The following SNX1 variants were observed in gnomAD, a reference collection of about 807,000 sequenced individuals.
SNX1 encodes sorting nexin-1.
SNX1 carries 36 observed loss-of-function variants against 71.8 expected under a neutral mutation model. The ratio of observed to expected loss-of-function variants is 0.50; its 90% CI spans 0.38 to 0.66. SNX1 has a LOEUF of 0.66. Ranked by LOEUF, SNX1 falls within the 30% of genes least tolerant of loss-of-function variation. SNX1 has a pLI of 0.00. For missense variants in SNX1, 612 were observed against 646.7 expected, an observed-to-expected ratio of 0.95 and a Z score of 0.58; for synonymous variants, 254 against 240.7, an observed-to-expected ratio of 1.06 and a Z score of -0.51.
chr15:64,109,931 G>C (rs2081062276), intron 1 of SNX1, among the ~76,000 whole-genome samples: 1 of 152,224 alleles, frequency 6.6e-6, no homozygotes, highest in South Asian at 2.1e-4. Context: ...CTGGAAGGGA[G>C]CTTAGCAGAG....
At chr15:64,121,002 G>A (rs1216971607) in intron 4 of SNX1, among the ~76,000 whole-genome samples, 1 of 152,184 alleles carries the variant, frequency 6.6e-6, no homozygotes, top group Non-Finnish European at 1.5e-5. Context: ...AGGGCACAGT[G>A]TGGCCCATGA....
intron 2 of SNX1, among the ~76,000 whole-genome samples, chr15:64,113,345 G>A (rs1189036774): frequency 6.6e-6 from 1 of 152,132 alleles, no homozygotes; most frequent in East Asian, 1.9e-4. Flanking sequence ...TTGCCCCCCA[G>A]AAGACATTTG....
chr15:64,135,418 C>T (rs1035588559), intron 12 of SNX1, among the ~76,000 whole-genome samples: 1 of 149,256 alleles, frequency 6.7e-6, no homozygotes, highest in African/African-American at 2.5e-5. Flanking sequence ...GAGTTTTAGA[C>T]CAGCCTGGCC....
At chr15:64,118,663 G>A in intron 3 of SNX1, 125 bp from the exon 4 acceptor site, 1 of 688,206 alleles carries the variant, frequency 1.5e-6, no homozygotes, top group Non-Finnish European at 2.4e-6. Context: ...TGTTGGGAAT[G>A]GACAAAAGCT....
Position 64,122,650 on chromosome 15 carries a change from G to A in SNX1, c.467-853G>A, listed in dbSNP as rs573087121. Reference sequence around the variant, plus strand: ...TGGTAACTGTTGACCTAGGTTTTCCGGTTTGATGTGGGAAGGAATCAAGGG... The same window carrying A: ...TGGTAACTGTTGACCTAGGTTTTCCAGTTTGATGTGGGAAGGAATCAAGGG... On this transcript the variant is annotated intron_variant, in intron 4 of 14. Coordinates refer to ENST00000559844, the MANE Select transcript of SNX1 (RefSeq NM_003099.5). 9.2e-5 allele frequency among the ~76,000 whole-genome samples: 14 copies of A among 152,070 alleles called. 1 individual carries two copies. The highest frequency in any genetic ancestry group is 3.9e-4 in the East Asian group (2 of 5,188).
At chr15:64,131,106 A>T (rs975485713) in intron 10 of SNX1, among the ~76,000 whole-genome samples, 3 of 152,212 alleles carry the variant, frequency 2.0e-5, no homozygotes, top group Non-Finnish European at 2.9e-5. Flanking sequence ...AAGATGGTGA[A>T]ACCCTGTCTC....
At chr15:64,123,024 A>G (rs1423050458) in intron 4 of SNX1, among the ~76,000 whole-genome samples, 1 of 152,062 alleles carries the variant, frequency 6.6e-6, no homozygotes, top group Non-Finnish European at 1.5e-5. Flanking sequence ...TTGTGACGAT[A>G]TTTCTGAAAG....
chr15:64,122,953 G>A (rs2081210606), intron 4 of SNX1, among the ~76,000 whole-genome samples: 1 of 152,096 alleles, frequency 6.6e-6, no homozygotes, highest in Non-Finnish European at 1.5e-5. Flanking sequence ...CAGACCCTTT[G>A]CTCTTGGTGA....
In SNX1 at chr15:64,096,123, G is replaced by C. The variant is rs773160874; in HGVS notation, c.110G>C (p.Gly37Ala). 2.6e-6 allele frequency: 4 copies of C among 1,558,494 alleles called. No homozygotes were observed. The highest frequency in any genetic ancestry group is 1.2e-5 in the South Asian group (1 of 84,750). ...GAAGGSEPEA[G>A]DSDTEGEDIF... ...GCCGGGGGATCAGAACCCGAGGCTG[G>C]GGACAGCGACACCGAGGGGGAGGAC... Residue 37 changes from glycine (G) to alanine (A), a missense_variant, in exon 1 of 15, where the codon GGG becomes GCG. Gly to Ala is a moderately conservative substitution (Grantham distance 60). This residue lies in a region of SNX1 where 316 missense variants were observed against 284.9 expected (regional missense o/e 1.11). Coordinates refer to ENST00000559844, the MANE Select transcript of SNX1 (RefSeq NM_003099.5).
At chr15:64,112,323 A>G (rs2081085220) in intron 1 of SNX1, among the ~76,000 whole-genome samples, 1 of 152,194 alleles carries the variant, frequency 6.6e-6, no homozygotes, top group Non-Finnish European at 1.5e-5. Flanking sequence ...ACACATACCC[A>G]TGTTGGTATC....
At chr15:64,121,045 CTA>C (rs1221662448) in intron 4 of SNX1, among the ~76,000 whole-genome samples, 1 of 152,110 alleles carries the variant, frequency 6.6e-6, no homozygotes, top group African/African-American at 2.4e-5. Context: ...GATTATATGT[CTA>C]GATTCTCTCT....
At chr15:64,136,235 A>C in intron 12 of SNX1, 95 bp from the exon 13 acceptor site, 1 of 914,192 alleles carries the variant, frequency 1.1e-6, no homozygotes, top group Non-Finnish European at 1.8e-6. Context: ...ATAATGATCA[A>C]TTGAGCCCTC....
chr15:64,109,361 A>G (rs879258722), intron 1 of SNX1, among the ~76,000 whole-genome samples: 9 of 152,200 alleles, frequency 5.9e-5, no homozygotes, highest in Non-Finnish European at 1.3e-4. Context: ...AAAAAGAAAA[A>G]GAAAAATGCA....
In SNX1 at chr15:64,136,417, T is replaced by C. The variant is rs141360487; in HGVS notation, c.1446+7T>C. Reference sequence around the variant, plus strand: ...AGAAGTGATACGGTTTGAGGTGAGATAGAAAATCCTACTTCTCACTTAGCA... The same window carrying C: ...AGAAGTGATACGGTTTGAGGTGAGACAGAAAATCCTACTTCTCACTTAGCA... On this transcript the variant is annotated splice_region_variant and intron_variant, in intron 13 of 14. Transcript: ENST00000559844. 2.6e-5 allele frequency: 42 copies of C among 1,609,782 alleles called. No homozygotes were observed. Among genetic ancestry groups the C allele is most frequent in the African/African-American group, 2.0e-4 (15 of 74,924 alleles).
intron 14 of SNX1, 110 bp downstream of exon 14, chr15:64,137,042 C>A: frequency 1.1e-5 from 9 of 800,462 alleles, no homozygotes; most frequent in Middle Eastern, 3.4e-4. Context: ...AGGGGCTGGG[C>A]CCTCCTATAG....
Position 64,127,196 on chromosome 15 carries a change from GAAGGAAGAT to G in SNX1, c.676_684del (p.Lys226_Asp228del). 6.2e-7 allele frequency: 1 copy of G among 1,613,666 alleles called. No homozygotes were observed. Among genetic ancestry groups the G allele is most frequent in the South Asian group, 1.1e-5 (1 of 91,032 alleles). ...TAGGGATGACAAAAGTGAAAGTTGG[GAAGGAAGAT>G]TCTTCTTCTGCAGAATTTCTTGAAA... On this transcript the variant is annotated inframe_deletion, in exon 7 of 15. Coordinates refer to ENST00000559844, the MANE Select transcript of SNX1 (RefSeq NM_003099.5).
chr15:64,116,627 G>A (rs1351831936), intron 2 of SNX1, among the ~76,000 whole-genome samples: 1 of 152,116 alleles, frequency 6.6e-6, no homozygotes, highest in Non-Finnish European at 1.5e-5. Context: ...AGAAGCAGCA[G>A]CATTCTTTGT....
chr15:64,111,904 TG>T (rs1385972545), intron 1 of SNX1, among the ~76,000 whole-genome samples: 1 of 152,212 alleles, frequency 6.6e-6, no homozygotes, highest in Non-Finnish European at 1.5e-5. Flanking sequence ...TGTTTGCCGC[TG>T]ATCACTGAGC....
chr15:64,112,851 A>G (rs896769303), intron 2 of SNX1, among the ~76,000 whole-genome samples, 167 bp downstream of exon 2: 2 of 152,188 alleles, frequency 1.3e-5, no homozygotes, highest in Non-Finnish European at 2.9e-5. Context: ...TGCCATCAAG[A>G]TTCTTTCAGA....
Sources: allele counts gnomAD v4.1 joint callset (sites outside exome capture counted in the v4.1 genomes callset), GRCh38; gene constraint gnomAD v4.1.1; regional missense constraint gnomAD v4.1.1; transcripts MANE v1.5; gene names NCBI Gene and HGNC (gene_info 2026-07-23, HGNC 2026-07-21).